TXNL4B: variants seen among roughly 807,000 people sequenced by gnomAD.
TXNL4B encodes the protein thioredoxin-like protein 4B.
Under a neutral mutation model 13.0 loss-of-function variants are expected in TXNL4B, and 12 were observed. The ratio of observed to expected loss-of-function variants is 0.92; its 90% CI spans 0.59 to 1.49. The LOEUF (loss-of-function observed/expected upper bound fraction) is 1.49. TXNL4B is among the 40% of genes most tolerant of loss of function. The pLI is 0.00. For synonymous variants in TXNL4B, 59 were observed against 58.9 expected, an observed-to-expected ratio of 1.00 and a Z score of -0.01; for missense variants, 214 against 173.6, an observed-to-expected ratio of 1.23 and a Z score of -1.31.
chr16:72,090,617 C>T lies in TXNL4B; in HGVS notation c.132+1G>A. On this transcript the variant is annotated splice_donor_variant, in intron 2 of 3. Transcript: ENST00000268483. LOFTEE classifies it high-confidence loss of function. ...ACCAATTATTTTAGACATTCACTTA[C>T]AATATCATCTAGCTGCAGACAGACA... 1.9e-6 allele frequency: 3 copies of T among 1,613,466 alleles called. No individual in the cohort carries two copies. The highest frequency in any genetic ancestry group is 1.1e-5 in the South Asian group (1 of 90,864).
At chr16:72,088,034 T>C (rs571391002) in intron 3 of TXNL4B, among the ~76,000 whole-genome samples, 1 of 152,212 alleles carries the variant, frequency 6.6e-6, no homozygotes, top group Non-Finnish European at 1.5e-5. Context: ...TTAGCCAGGA[T>C]GGTCTCGATC....
At chr16:72,092,017 T>A (rs1240725947) in intron 1 of TXNL4B, among the ~76,000 whole-genome samples, 3 of 152,244 alleles carry the variant, frequency 2.0e-5, no homozygotes, top group East Asian at 3.8e-4. Context: ...AGTTTTGTGG[T>A]CATCTATAAG....
At chr16:72,087,325 C>CT (rs2041837533) in intron 3 of TXNL4B, 1 of 81,978 alleles carries the variant, frequency 1.2e-5, no homozygotes, top group African/African-American at 5.0e-5. Flanking sequence ...TCCTTCCAAT[C>CT]TTGTGTGTGT....
At position 72,093,492 on chromosome 16, in the gene TXNL4B, C is replaced by CA. The variant is rs892239302; in HGVS notation, c.-164dup. 72 of 152,392 alleles carry CA rather than the reference C, an allele frequency of 4.7e-4. No homozygotes were observed. Among genetic ancestry groups the CA allele is most frequent in the African/African-American group, 1.6e-3 (65 of 41,582 alleles). 9.4% of individuals were successfully genotyped at this position (152,392 alleles called of 1,614,324 possible). On this transcript the variant is annotated 5_prime_UTR_variant, in exon 1 of 4. Transcript: ENST00000268483. ...GCCGGACAGGACCCTAAGACCAAGT[C>CA]ACCCAGGGGCTGTTGCCTAGCAACC...
At position 72,089,134 on chromosome 16, in the gene TXNL4B, G is replaced by C. The variant is rs768992134; in HGVS notation, c.137C>G (p.Ser46Cys). The change falls in exon 3 of 4, where the codon TCT (serine) becomes TGT (cysteine). Residue 46 changes from serine (S) to cysteine (C), a missense_variant. Physicochemically the swap from Ser to Cys is moderately radical, Grantham distance 112. Transcript: ENST00000268483. The stretch of plus-strand genomic sequence containing the variant: ...TTTACTTAAGTCAGAAGAGGTCTTA[G>C]AAAGCTGCAAATGACGAGAGAGACA... ...PVCLQLDDIL[S>C]KTSSDLSKMA... 1 of 1,607,302 alleles carries C rather than the reference G, an allele frequency of 6.2e-7. No homozygotes were observed. The highest frequency in any genetic ancestry group is 8.5e-7 in the Non-Finnish European group (1 of 1,176,036).
intron 2 of TXNL4B, chr16:72,090,093 G>C (rs7191127): frequency 2.2e-6 from 1 of 455,624 alleles, no homozygotes; most frequent in African/African-American, 2.0e-5. Flanking sequence ...TCTTACACGG[G>C]ATGGTAGCAG....
At chr16:72,086,898 A>G in intron 3 of TXNL4B, 96 bp from the exon 4 acceptor site, 1 of 964,542 alleles carries the variant, frequency 1.0e-6, no homozygotes. Context: ...CAGCTTTGTT[A>G]TTTTCTTCTT....
In TXNL4B at chr16:72,085,838, A is replaced by G. The variant is rs940815079; in HGVS notation, c.*799T>C. On this transcript the variant is annotated 3_prime_UTR_variant, in exon 4 of 4. Transcript: ENST00000268483. ...GCTAACACGGTGAAACTGCGCCTCTATAAAAATACAAAAAATTAGCTGGGC... is the reference window on the plus strand; with the variant it reads ...GCTAACACGGTGAAACTGCGCCTCTGTAAAAATACAAAAAATTAGCTGGGC... 6.6e-6 allele frequency: 1 copy of G among 152,138 alleles called. No homozygotes were observed. The highest frequency in any genetic ancestry group is 1.5e-5 in the Non-Finnish European group (1 of 68,040). 9.4% of individuals were successfully genotyped at this position (152,138 alleles called of 1,614,324 possible).
intron 3 of TXNL4B, chr16:72,087,326 T>TTGTGTGTGTGTGTGTGTGTG (rs71391437): frequency 2.8e-5 from 4 of 141,918 alleles, no homozygotes; most frequent in East Asian, 2.1e-4. Context: ...CCTTCCAATC[T>TTGTGTGTGTGTGTGTGTGTG]TGTGTGTGTG....
intron 1 of TXNL4B, among the ~76,000 whole-genome samples, chr16:72,092,406 G>A (rs548346002): frequency 1.4e-5 from 2 of 144,236 alleles, no homozygotes; most frequent in African/African-American, 2.7e-5. Flanking sequence ...CAACAAGAGC[G>A]AAGCTCCGTC....
At position 72,090,753 on chromosome 16, in the gene TXNL4B, G is replaced by A. The variant is rs1334868942; in HGVS notation, c.-4C>T. The A allele has an allele frequency of 5.0e-6, 8 of 1,613,938 alleles. No individual in the cohort carries two copies. The highest frequency in any genetic ancestry group is 1.7e-4 in the Middle Eastern group (1 of 6,060). ...GCTTGGGCAGTAGGAAGCTCATCTT[G>A]AAATAACCCAAATGTGAATCCTCAC... On this transcript the variant is annotated 5_prime_UTR_variant, in exon 2 of 4. Transcript: ENST00000268483.
intron 2 of TXNL4B, among the ~76,000 whole-genome samples, chr16:72,089,751 A>G (rs2041875444): frequency 6.6e-6 from 1 of 152,252 alleles, no homozygotes; most frequent in African/African-American, 2.4e-5. Flanking sequence ...ATATAACATT[A>G]CTATGTGGTA....
chr16:72,088,018 A>T (rs1237396288), intron 3 of TXNL4B, among the ~76,000 whole-genome samples: 1 of 152,152 alleles, frequency 6.6e-6, no homozygotes, highest in Non-Finnish European at 1.5e-5. Flanking sequence ...ACAGGGTTTC[A>T]CTGTGTTAGC....
chr16:72,086,725 C>T lies in TXNL4B; in HGVS notation c.362G>A (p.Arg121Gln), dbSNP rs532646627. 9 of 1,613,824 alleles carry T rather than the reference C, an allele frequency of 5.6e-6. No homozygotes were observed. Among genetic ancestry groups the T allele is most frequent in the African/African-American group, 1.3e-5 (1 of 75,048 alleles). ...DFIDLIEVIYRGAMRGKLIVQ... is the reference protein window; with the variant it reads ...DFIDLIEVIYQGAMRGKLIVQ... ...AATAAGCTTCCCCCTCATTGCTCCT[C>T]GATAGATTACTTCAATCAAATCTAT... Residue 121 changes from arginine to glutamine, a missense_variant, in exon 4 of 4, where the codon CGA becomes CAA. Coordinates refer to ENST00000268483, the MANE Select transcript of TXNL4B (RefSeq NM_017853.3).
At chr16:72,087,752 C>T (rs931154067) in intron 3 of TXNL4B, among the ~76,000 whole-genome samples, 2 of 152,096 alleles carry the variant, frequency 1.3e-5, no homozygotes, top group African/African-American at 4.8e-5. Context: ...GCAACCTCCA[C>T]CTCCTGGGCT....
rs2144117769 is a variant in TXNL4B at position 72,093,516 on chromosome 16, C to T, written c.-187G>A. 6.6e-6 allele frequency: 1 copy of T among 152,422 alleles called. No individual in the cohort carries two copies. Among genetic ancestry groups the T allele is most frequent in the South Asian group, 2.1e-4 (1 of 4,836 alleles). 9.4% of individuals were successfully genotyped at this position (152,422 alleles called of 1,614,324 possible). On this transcript the variant is annotated 5_prime_UTR_variant, in exon 1 of 4. Coordinates refer to ENST00000268483, the MANE Select transcript of TXNL4B (RefSeq NM_017853.3). ...TCACCCAGGGGCTGTTGCCTAGCAA[C>T]CCTCGTGGCCCCGCTAGCGGGAAGG...
intron 1 of TXNL4B, among the ~76,000 whole-genome samples, chr16:72,092,136 G>A (rs1024555052): frequency 3.3e-5 from 5 of 152,082 alleles, no homozygotes; most frequent in Non-Finnish European, 7.4e-5. Flanking sequence ...TACGAATTAG[G>A]CCAGGCTCAC....
intron 1 of TXNL4B, among the ~76,000 whole-genome samples, chr16:72,093,047 G>C (rs1042577544): frequency 6.6e-6 from 1 of 152,040 alleles, no homozygotes; most frequent in South Asian, 2.1e-4. Context: ...TGTTGCCCAG[G>C]CTGGTCTCAA....
Position 72,085,952 on chromosome 16 carries a change from G to C in TXNL4B, c.*685C>G, listed in dbSNP as rs1232400849. On this transcript the variant is annotated 3_prime_UTR_variant, in exon 4 of 4. Transcript: ENST00000268483. The stretch of plus-strand genomic sequence containing the variant: ...CAGGAGGTGGAGCTTGCAGTGAGCC[G>C]AGATCGCGCCACTGCACTCCAGCCT... 1 of 150,790 alleles carries C rather than the reference G, an allele frequency of 6.6e-6. No individual in the cohort carries two copies. Among genetic ancestry groups the C allele is most frequent in the African/African-American group, 2.4e-5 (1 of 40,896 alleles). 9.3% of individuals were successfully genotyped at this position (150,790 alleles called of 1,614,324 possible).
Sources: allele counts gnomAD v4.1 joint callset (sites outside exome capture counted in the v4.1 genomes callset), GRCh38; gene constraint gnomAD v4.1.1; transcripts MANE v1.5; gene names NCBI Gene and HGNC (gene_info 2026-07-23, HGNC 2026-07-21).